ZNF385D: variants seen among roughly 807,000 people sequenced by gnomAD.
ZNF385D encodes the protein zinc finger protein 659.
A neutral mutation model predicts 35.8 loss-of-function variants in ZNF385D; 15 were observed. The observed-to-expected ratio is 0.42, with a 90% confidence interval of 0.28 to 0.64. The LOEUF is 0.64. Among genes scored for constraint, ZNF385D ranks in the 30% least tolerant of loss-of-function variants. The pLI, the probability that ZNF385D is intolerant of heterozygous loss-of-function variation, is 0.23. For synonymous variants in ZNF385D, 212 were observed against 186.8 expected (o/e 1.13, Z -1.10); for missense variants, 474 against 494.6 (o/e 0.96, Z 0.39).
intron 2 of ZNF385D, among the ~76,000 whole-genome samples, chr3:22,294,664 G>C (rs1035045141): frequency 5.9e-5 from 9 of 151,932 alleles, no homozygotes; most frequent in African/African-American, 2.2e-4. Context: ...TACTAACTGA[G>C]TGTTGATGAG....
intron 5 of ZNF385D, among the ~76,000 whole-genome samples, chr3:21,429,079 C>T (rs898886038): frequency 1.3e-4 from 19 of 151,624 alleles, no homozygotes; most frequent in East Asian, 1.9e-4. Context: ...CTCTTTTTAG[C>T]TGGCTTTCAA....
At chr3:21,952,786 T>C (rs936320345) in intron 3 of ZNF385D, among the ~76,000 whole-genome samples, 3 of 151,980 alleles carry the variant, frequency 2.0e-5, no homozygotes, top group African/African-American at 7.2e-5. Flanking sequence ...TAATATATTT[T>C]ATGATTCTTT....
chr3:21,601,939 A>G (rs2064303311), intron 2 of ZNF385D, among the ~76,000 whole-genome samples: 1 of 152,186 alleles, frequency 6.6e-6, no homozygotes, highest in African/African-American at 2.4e-5. Context: ...GTTCAGAGAG[A>G]ATAAAGCACG....
intron 1 of ZNF385D, among the ~76,000 whole-genome samples, chr3:21,704,138 G>C (rs1192196673): frequency 6.6e-6 from 1 of 152,126 alleles, no homozygotes. Context: ...GATTACTCTA[G>C]GGTTTTTGCT....
chr3:22,200,365 G>C (rs573153286), intron 2 of ZNF385D, among the ~76,000 whole-genome samples: 6 of 152,076 alleles, frequency 3.9e-5, no homozygotes, highest in South Asian at 4.2e-4. Flanking sequence ...ATGTCGGTAG[G>C]TTCCATGATG....
intron 2 of ZNF385D, among the ~76,000 whole-genome samples, chr3:21,661,244 T>G (rs1445587454): frequency 6.6e-6 from 1 of 152,132 alleles, no homozygotes; most frequent in Non-Finnish European, 1.5e-5. Flanking sequence ...CACCCAACCC[T>G]CACTAAGACA....
At chr3:21,831,755 G>A (rs909494504) in intron 3 of ZNF385D, among the ~76,000 whole-genome samples, 5 of 152,144 alleles carry the variant, frequency 3.3e-5, no homozygotes, top group African/African-American at 1.2e-4. Context: ...AGCCACAGTT[G>A]ACTGGGGCCA....
chr3:21,789,446 T>G (rs886088273), intron 3 of ZNF385D, among the ~76,000 whole-genome samples: 1 of 152,186 alleles, frequency 6.6e-6, no homozygotes, highest in Non-Finnish European at 1.5e-5. Context: ...GCTCTAAACC[T>G]TAAAGCACTA....
chr3:22,129,781 G>A (rs143141114), intron 3 of ZNF385D, among the ~76,000 whole-genome samples: 323 of 152,276 alleles, frequency 2.1e-3, no homozygotes, highest in Middle Eastern at 0.01. Flanking sequence ...GCTAAAGCCT[G>A]GAAGTAGGGC....
intron 3 of ZNF385D, among the ~76,000 whole-genome samples, chr3:21,807,862 G>C (rs573242140): frequency 3.5e-4 from 53 of 152,230 alleles, no homozygotes; most frequent in African/African-American, 1.3e-3. Context: ...TAGTTACCTA[G>C]TTGCTTACCC....
intron 3 of ZNF385D, among the ~76,000 whole-genome samples, chr3:21,799,973 A>G (rs1423312001): frequency 6.6e-6 from 1 of 152,170 alleles, no homozygotes; most frequent in Non-Finnish European, 1.5e-5. Flanking sequence ...GCATGTAGAT[A>G]CCCAGTTGTC....
intron 3 of ZNF385D, among the ~76,000 whole-genome samples, chr3:21,840,834 A>G (rs2670274): frequency 0.84 from 127,349 of 151,944 alleles, 53,786 homozygotes; most frequent in African/African-American, 0.93. Context: ...TATTATATTG[A>G]AAATGCTGAG....
chr3:22,072,590 G>C (rs1326561639), intron 3 of ZNF385D, among the ~76,000 whole-genome samples: 2 of 151,826 alleles, frequency 1.3e-5, no homozygotes, highest in African/African-American at 2.4e-5. Context: ...CAAATTTAAG[G>C]TATATTGTTA....
intron 3 of ZNF385D, chr3:21,563,300 T>G (rs1220778095): frequency 6.6e-6 from 1 of 152,524 alleles, no homozygotes; most frequent in African/African-American, 2.4e-5. Flanking sequence ...CTTGGACTTC[T>G]CAGCCTCCGG....
At chr3:22,228,648 A>C (rs535032509) in intron 2 of ZNF385D, among the ~76,000 whole-genome samples, 2 of 152,266 alleles carry the variant, frequency 1.3e-5, no homozygotes, top group South Asian at 4.1e-4. Flanking sequence ...AAGGTTGCAA[A>C]GTATTGTTCC....
intron 3 of ZNF385D, among the ~76,000 whole-genome samples, chr3:21,821,338 T>A (rs1000556350): frequency 6.6e-6 from 1 of 152,204 alleles, no homozygotes; most frequent in African/African-American, 2.4e-5. Flanking sequence ...AAAATATGCG[T>A]GATTATCCTA....
chr3:22,326,067 C>A (rs1025639385), intron 2 of ZNF385D, among the ~76,000 whole-genome samples: 2 of 152,178 alleles, frequency 1.3e-5, no homozygotes, highest in Admixed American at 6.5e-5. Flanking sequence ...GTTTTCCTTT[C>A]CCCTCTCTCT....
rs1228574145 is a variant in ZNF385D, at chr3:21,424,301, T to TTATATATATA, written c.853-247_853-238dup. ...TATATATATACTTATATATATATAT[T>TTATATATATA]TATATATATATATATATTTTTTTTT... is the stretch of plus-strand genomic sequence containing the variant. On this transcript the variant is annotated intron_variant, in intron 6 of 7. Transcript: ENST00000281523. 3.4e-3 allele frequency among the ~76,000 whole-genome samples: 271 copies of TTATATATATA among 80,108 alleles called. 14 individuals carry two copies. The highest frequency in any genetic ancestry group is 0.012 in the African/African-American group (248 of 21,300). The allele number at this position is 80,108 out of a possible 152,430, so 52.6% of individuals were successfully genotyped here. A position where few individuals can be genotyped will look rare whatever the true frequency, so the allele number is the denominator to read the frequency against.
At chr3:22,332,558 CAA>C (rs1440679324) in intron 2 of ZNF385D, among the ~76,000 whole-genome samples, 1 of 151,802 alleles carries the variant, frequency 6.6e-6, no homozygotes, top group Admixed American at 6.6e-5. Flanking sequence ...CTTAATAAAA[CAA>C]GAGTTGAGAA....
Sources: allele counts gnomAD v4.1 joint callset (sites outside exome capture counted in the v4.1 genomes callset), GRCh38; gene constraint gnomAD v4.1.1; transcripts MANE v1.5; gene names NCBI Gene and HGNC (gene_info 2026-07-23, HGNC 2026-07-21).